The following PARD3B variants were observed in gnomAD, a reference collection of about 807,000 sequenced individuals.
The protein encoded by PARD3B is par-3 family cell polarity regulator beta, also known as partitioning defective 3 homolog B.
In PARD3B, 103 loss-of-function variants were observed where a neutral mutation model predicts 130.2. The ratio of observed to expected loss-of-function variants is 0.79; its 90% CI spans 0.67 to 0.93. The LOEUF is 0.93. PARD3B is among the 40% of genes least tolerant of loss of function. The pLI is 0.00. For synonymous variants in PARD3B, 583 were observed against 553.2 expected (o/e 1.05, Z -0.76); for missense variants, 1,609 against 1,499.2 (o/e 1.07, Z -1.21).
In PARD3B at chr2:205,290,174, G is replaced by A. The variant is rs536000404; in HGVS notation, c.2186-10356G>A. ...TCCAGATAAATCCAGGTGTATGTAC[G>A]AACAATTTATTTTCTAAAATTTGGG... On this transcript the variant is annotated intron_variant, in intron 16 of 22. Transcript: ENST00000406610. Among the ~76,000 whole-genome samples the A allele has an allele frequency of 2.6e-5, 4 of 152,228 alleles. 1 individual carries two copies. The highest frequency in any genetic ancestry group is 9.6e-5 in the African/African-American group (4 of 41,558).
At position 205,124,332 on chromosome 2, in the gene PARD3B, G is replaced by A. The variant is rs1044868059; in HGVS notation, c.1171G>A (p.Glu391Lys). 6.4e-7 allele frequency: 1 copy of A among 1,560,878 alleles called. No homozygotes were observed. Among genetic ancestry groups the A allele is most frequent in the African/African-American group, 1.4e-5 (1 of 73,160 alleles). The change falls in exon 9 of 23, where the codon GAA (glutamate) becomes AAA (lysine). Residue 391 changes from glutamate to lysine, a missense_variant. Physicochemically the swap from Glu to Lys is moderately conservative, Grantham distance 56. Transcript: ENST00000406610. ...TTCCTGTTCTTATACACTAGGCCCT[G>A]AAGGACTTGGTTTCACTGTGGTTAC... ...KIKIDLKKGPEGLGFTVVTRD... is the reference protein window; with the variant it reads ...KIKIDLKKGPKGLGFTVVTRD...
rs907344409 is a variant in PARD3B, at chr2:205,084,032, G to A, written c.505-20394G>A. ...TGTGTCATCATTCCATCTGACAAAA[G>A]TAGTGAATAATTCTTTAAATATCAC... is the stretch of plus-strand genomic sequence containing the variant. On this transcript the variant is annotated intron_variant, in intron 4 of 22. Coordinates refer to ENST00000406610, the MANE Select transcript of PARD3B (RefSeq NM_001302769.2). Among the ~76,000 whole-genome samples, 3 of 152,102 alleles carry A rather than the reference G, an allele frequency of 2.0e-5. No homozygotes were observed. In the East Asian group the frequency reaches 5.8e-4, roughly 29 times the overall value.
Position 205,478,551 on chromosome 2 carries a change from C to T in PARD3B, c.3045-21345C>T, listed in dbSNP as rs542210921. Among the ~76,000 whole-genome samples, 93 of 152,252 alleles carry T rather than the reference C, an allele frequency of 6.1e-4. No homozygotes were observed. In the Middle Eastern group the frequency reaches 0.041, roughly 67 times the overall value. On this transcript the variant is annotated intron_variant, in intron 20 of 22. Coordinates refer to ENST00000406610, the MANE Select transcript of PARD3B (RefSeq NM_001302769.2). Reference sequence around the variant, plus strand: ...AATAAGGAGATGTTTTCGATTTTACCGTATGTGGAATGTAACATTTGCATT... The same window carrying T: ...AATAAGGAGATGTTTTCGATTTTACTGTATGTGGAATGTAACATTTGCATT...
chr2:205,374,474 C>A (rs1259203934), intron 18 of PARD3B, among the ~76,000 whole-genome samples: 1 of 152,132 alleles, frequency 6.6e-6, no homozygotes, highest in Non-Finnish European at 1.5e-5. Flanking sequence ...ACCTCATGAT[C>A]CGCCTGCCTC....
At chr2:205,162,207 A>T (rs1225447598) in intron 11 of PARD3B, among the ~76,000 whole-genome samples, 2 of 152,200 alleles carry the variant, frequency 1.3e-5, no homozygotes, top group Non-Finnish European at 2.9e-5. Context: ...CAGAACAATA[A>T]TTCTACCCTG....
At chr2:205,442,975 C>A (rs1302836131) in intron 20 of PARD3B, among the ~76,000 whole-genome samples, 1 of 152,122 alleles carries the variant, frequency 6.6e-6, no homozygotes, top group Admixed American at 6.5e-5. Flanking sequence ...TTTTGGATAG[C>A]AGATCAAAAT....
chr2:204,732,091 T>C (rs906943530), intron 2 of PARD3B, among the ~76,000 whole-genome samples: 1 of 152,116 alleles, frequency 6.6e-6, no homozygotes, highest in East Asian at 1.9e-4. Flanking sequence ...TGGTTTTTTT[T>C]TTTTTGTATA....
rs369239878 is a variant in PARD3B at position 205,246,168 on chromosome 2, G to A, written c.2185+346G>A. ...ATGATGACTTTCATATTTAAGTGGC[G>A]GGACAGAGAATTCCAGAATAAGAAA... On this transcript the variant is annotated intron_variant, in intron 16 of 22. Transcript: ENST00000406610. Among the ~76,000 whole-genome samples, 8 of 151,842 alleles carry A rather than the reference G, an allele frequency of 5.3e-5. No individual in the cohort carries two copies. The East Asian group carries it at 5.8e-4, about 11-fold the overall frequency.
chr2:205,484,006 C>G (rs1277001683), intron 20 of PARD3B, among the ~76,000 whole-genome samples: 1 of 152,068 alleles, frequency 6.6e-6, no homozygotes, highest in African/African-American at 2.4e-5. Context: ...AGTCCTGTAA[C>G]AAATGAGGAA....
At position 205,564,573 on chromosome 2, in the gene PARD3B, C is replaced by T. The variant is rs1158967158; in HGVS notation, c.3260+11170C>T. ...GTTCTTTCACAGTGTAGTTCTGGCA[C>T]ATCCTTAGGGGACATGGCTGAGACG... On this transcript the variant is annotated intron_variant, in intron 22 of 22. Coordinates refer to ENST00000406610, the MANE Select transcript of PARD3B (RefSeq NM_001302769.2). This position sits in a 1 kb window ranked among gnomAD's most constrained non-coding sequence, Gnocchi z 4.6. 6.6e-6 allele frequency among the ~76,000 whole-genome samples: 1 copy of T among 152,130 alleles called. No individual in the cohort carries two copies. The highest frequency in any genetic ancestry group is 2.4e-5 in the African/African-American group (1 of 41,438).
chr2:205,218,321 T>A (rs2038060011), intron 15 of PARD3B, among the ~76,000 whole-genome samples: 2 of 152,182 alleles, frequency 1.3e-5, no homozygotes, highest in Non-Finnish European at 2.9e-5. Flanking sequence ...AAAAACCTAC[T>A]GAAGTATGTG....
At chr2:205,529,028 TAAAAA>T (rs1004167827) in intron 21 of PARD3B, among the ~76,000 whole-genome samples, 1 of 150,224 alleles carries the variant, frequency 6.7e-6, no homozygotes, top group Non-Finnish European at 1.5e-5. Flanking sequence ...ACTTGAGCAT[TAAAAA>T]AAAAAATTAA....
At chr2:205,084,771 A>G (rs1310286776) in intron 4 of PARD3B, among the ~76,000 whole-genome samples, 1 of 151,896 alleles carries the variant, frequency 6.6e-6, no homozygotes, top group Non-Finnish European at 1.5e-5. Flanking sequence ...AAGATGTAAG[A>G]TGTGTATTTA....
intron 19 of PARD3B, among the ~76,000 whole-genome samples, chr2:205,427,845 C>T (rs192977295): frequency 1.3e-5 from 2 of 152,246 alleles, no homozygotes; most frequent in Non-Finnish European, 2.9e-5. Context: ...TTAGAATACA[C>T]GTTTTGATTA....
intron 1 of PARD3B, among the ~76,000 whole-genome samples, chr2:204,573,136 G>A (rs527511736): frequency 2.6e-5 from 4 of 152,124 alleles, no homozygotes; most frequent in Non-Finnish European, 5.9e-5. Flanking sequence ...CCTGAGTCCG[G>A]CTGTATCTCA....
intron 3 of PARD3B, among the ~76,000 whole-genome samples, chr2:205,007,010 C>T (rs1432257892): frequency 6.6e-6 from 1 of 152,184 alleles, no homozygotes; most frequent in East Asian, 1.9e-4. Context: ...CGAATCTCAT[C>T]TTGAATTCTA....
At chr2:205,175,967 T>C (rs2035446196) in intron 12 of PARD3B, among the ~76,000 whole-genome samples, 2 of 152,178 alleles carry the variant, frequency 1.3e-5, no homozygotes, top group South Asian at 4.1e-4. Flanking sequence ...GCCAAAGACC[T>C]AGTATCTGCA....
chr2:205,148,722 T>G (rs891125703), intron 10 of PARD3B, among the ~76,000 whole-genome samples: 2 of 152,178 alleles, frequency 1.3e-5, no homozygotes, highest in African/African-American at 4.8e-5. Context: ...ATTTTAAAAG[T>G]TATTCTTTTT....
At chr2:205,318,450 A>G (rs1413759794) in intron 18 of PARD3B, among the ~76,000 whole-genome samples, 2 of 152,188 alleles carry the variant, frequency 1.3e-5, no homozygotes, top group Admixed American at 1.3e-4. Flanking sequence ...GTCGAGTGAT[A>G]TGACGACTAT....
Sources: allele counts gnomAD v4.1 joint callset (sites outside exome capture counted in the v4.1 genomes callset), GRCh38; gene constraint gnomAD v4.1.1; non-coding constraint Gnocchi (gnomAD v3.1); transcripts MANE v1.5; gene names NCBI Gene and HGNC (gene_info 2026-07-23, HGNC 2026-07-21).